Variants in BICDL1 observed in about 807,000 individuals in gnomAD.
BICDL1 encodes BICD family like cargo adaptor 1, also known as BICD family-like cargo adapter 1.
A neutral mutation model predicts 76.8 loss-of-function variants in BICDL1; 20 were observed. That is an observed-to-expected ratio of 0.26 (90% CI 0.18 to 0.38). The LOEUF is 0.38. Ranked by LOEUF, BICDL1 falls within the 10% of genes least tolerant of loss-of-function variation. BICDL1 has a pLI of 1.00. For synonymous variants in BICDL1, 383 were observed against 337.1 expected, an observed-to-expected ratio of 1.14 and a Z score of -1.49; for missense variants, 700 against 798.6, an observed-to-expected ratio of 0.88 and a Z score of 1.49.
chr12:119,997,556 T>G (rs562776207), intron 1 of BICDL1, among the ~76,000 whole-genome samples: 1 of 152,208 alleles, frequency 6.6e-6, no homozygotes, highest in Non-Finnish European at 1.5e-5. Context: ...GATTTTGAAT[T>G]ACATTGCTAT....
At chr12:120,060,865 G>A (rs911135036) in intron 2 of BICDL1, among the ~76,000 whole-genome samples, 1 of 152,152 alleles carries the variant, frequency 6.6e-6, no homozygotes, top group East Asian at 1.9e-4. Flanking sequence ...AGCCTTTCCT[G>A]GCCGTTCCAG....
At chr12:120,008,840 T>C (rs1258580787) in intron 2 of BICDL1, among the ~76,000 whole-genome samples, 3 of 152,084 alleles carry the variant, frequency 2.0e-5, no homozygotes, top group Non-Finnish European at 4.4e-5. Flanking sequence ...ACATAGGAGC[T>C]CTCTTCTGTG....
intron 4 of BICDL1, 85 bp downstream of exon 4, chr12:120,064,964 A>G: frequency 6.8e-7 from 1 of 1,465,974 alleles, no homozygotes. Context: ...GGAGGCCAGC[A>G]TCACTGCTGG....
chr12:120,025,441 G>C (rs1482598502), intron 2 of BICDL1, among the ~76,000 whole-genome samples: 2 of 151,918 alleles, frequency 1.3e-5, no homozygotes, highest in African/African-American at 4.8e-5. Context: ...CACAGTTGTG[G>C]GTATGAGGAC....
At chr12:120,025,617 T>C (rs1952283298) in intron 2 of BICDL1, among the ~76,000 whole-genome samples, 1 of 152,198 alleles carries the variant, frequency 6.6e-6, no homozygotes, top group African/African-American at 2.4e-5. Flanking sequence ...CATTGACTGC[T>C]GATCACCTTC....
chr12:120,074,672 T>A (rs1873397047), intron 7 of BICDL1, 86 bp downstream of exon 7: 3 of 959,284 alleles, frequency 3.1e-6, no homozygotes, highest in Non-Finnish European at 3.7e-6. Context: ...CTCTCTCCCA[T>A]TTCTGTGTGA....
chr12:120,034,752 C>T (rs1808781499), intron 2 of BICDL1, among the ~76,000 whole-genome samples: 1 of 152,132 alleles, frequency 6.6e-6, no homozygotes, highest in South Asian at 2.1e-4. Context: ...TTGGCCAAAT[C>T]CCATTTCTTG....
intron 2 of BICDL1, among the ~76,000 whole-genome samples, 180 bp from the exon 3 acceptor site, chr12:120,061,530 G>A (rs368958259): frequency 2.6e-5 from 4 of 152,062 alleles, no homozygotes; most frequent in Admixed American, 6.5e-5. Flanking sequence ...TGGTAGAGGT[G>A]GGGGTGGGAG....
At chr12:120,004,967 G>GC (rs1566208580) in intron 2 of BICDL1, among the ~76,000 whole-genome samples, 1 of 151,508 alleles carries the variant, frequency 6.6e-6, no homozygotes, top group Non-Finnish European at 1.5e-5. Context: ...GATTACAGGC[G>GC]CCCGCCACTA....
At chr12:120,089,531 T>C (rs1874777592) in intron 8 of BICDL1, among the ~76,000 whole-genome samples, 1 of 152,056 alleles carries the variant, frequency 6.6e-6, no homozygotes, top group Non-Finnish European at 1.5e-5. Flanking sequence ...TACAGGCATG[T>C]GCCACCACGC....
chr12:120,023,931 C>G (rs1219525009), intron 2 of BICDL1, among the ~76,000 whole-genome samples: 1 of 152,124 alleles, frequency 6.6e-6, no homozygotes, highest in Non-Finnish European at 1.5e-5. Flanking sequence ...CAGGAGAGTT[C>G]TTAGAACTGT....
At chr12:120,066,475 G>A (rs966345709) in intron 4 of BICDL1, among the ~76,000 whole-genome samples, 1 of 152,166 alleles carries the variant, frequency 6.6e-6, no homozygotes, top group African/African-American at 2.4e-5. Flanking sequence ...GAAAGAGGCA[G>A]GACTAGTATG....
intron 2 of BICDL1, among the ~76,000 whole-genome samples, chr12:120,043,480 G>T (rs1952684234): frequency 6.6e-6 from 1 of 152,228 alleles, no homozygotes; most frequent in African/African-American, 2.4e-5. Flanking sequence ...AGTATTAAAA[G>T]ATTGCACATG....
At chr12:120,016,924 G>A (rs959847376) in intron 2 of BICDL1, among the ~76,000 whole-genome samples, 41 of 151,972 alleles carry the variant, frequency 2.7e-4, no homozygotes, top group Non-Finnish European at 7.4e-5. Context: ...ACGGAGTCTC[G>A]CTCTCTCTCC....
At chr12:120,005,643 A>C (rs1203114501) in intron 2 of BICDL1, among the ~76,000 whole-genome samples, 2 of 152,226 alleles carry the variant, frequency 1.3e-5, no homozygotes. Flanking sequence ...TACTGGGATT[A>C]CAGGTGTGAG....
At position 119,998,626 on chromosome 12, in the gene BICDL1, G is replaced by A; in HGVS notation, c.535G>A (p.Asp179Asn). ...ELESDVKQLQ[D>N]ELERQQIHLR... ...GGAGAGTGATGTGAAGCAGCTACAG[G>A]ATGAGTTGGAGAGGCAGCAGATTCA... The change falls in exon 2 of 10, where the codon GAT (aspartate) becomes AAT (asparagine). Residue 179 changes from aspartate to asparagine, a missense_variant. Around this residue, in one of 3 missense-constraint regions of BICDL1, gnomAD observed 20 missense variants for 50.3 expected, o/e 0.40. Coordinates refer to ENST00000548673, the MANE Select transcript of BICDL1 (RefSeq NM_001367886.1). 2 of 1,614,152 alleles carry A rather than the reference G, an allele frequency of 1.2e-6. No individual in the cohort carries two copies. Among genetic ancestry groups the A allele is most frequent in the Non-Finnish European group, 8.5e-7 (1 of 1,180,026 alleles).
At chr12:120,051,987 C>T (rs954821252) in intron 2 of BICDL1, among the ~76,000 whole-genome samples, 1 of 152,080 alleles carries the variant, frequency 6.6e-6, no homozygotes, top group Admixed American at 6.5e-5. Context: ...GTTTCCCAGG[C>T]TGGAGTGCAG....
intron 8 of BICDL1, among the ~76,000 whole-genome samples, chr12:120,081,628 C>T (rs1400406512): frequency 6.6e-6 from 1 of 151,812 alleles, no homozygotes; most frequent in South Asian, 2.1e-4. Flanking sequence ...AGATTACAGG[C>T]GTGAGCCACC....
intron 4 of BICDL1, among the ~76,000 whole-genome samples, chr12:120,066,375 G>C (rs1953220691): frequency 6.6e-6 from 1 of 152,160 alleles, no homozygotes; most frequent in Non-Finnish European, 1.5e-5. Context: ...AGAGAAAAAT[G>C]GCCCTTGCCT....
Sources: allele counts gnomAD v4.1 joint callset (sites outside exome capture counted in the v4.1 genomes callset), GRCh38; gene constraint gnomAD v4.1.1; regional missense constraint gnomAD v4.1.1; transcripts MANE v1.5; gene names NCBI Gene and HGNC (gene_info 2026-07-23, HGNC 2026-07-21).